RORA: variants seen among roughly 807,000 people sequenced by gnomAD.
RORA encodes the protein nuclear receptor ROR-alpha.
Under a neutral mutation model 69.5 loss-of-function variants are expected in RORA, and 7 were observed. The ratio of observed to expected loss-of-function variants is 0.10; its 90% CI spans 0.06 to 0.19. The LOEUF is 0.19. Among genes scored for constraint, RORA ranks in the 10% least tolerant of loss-of-function variants. The probability of loss-of-function intolerance (pLI) is 1.00; values close to 1 mark genes in which losing one functional copy is unlikely to be tolerated. For missense variants in RORA, 457 were observed against 663.0 expected (o/e 0.69, Z 3.41); for synonymous variants, 261 against 240.8 (o/e 1.08, Z -0.78).
chr15:60,516,222 TTTATATATATATTTA>T (rs2065945466), intron 3 of RORA, among the ~76,000 whole-genome samples: 2 of 13,906 alleles, frequency 1.4e-4, no homozygotes, highest in African/African-American at 2.5e-4. Flanking sequence ...TATATATATA[TTTATATATATATTTA>T]TATATATATA....
intron 5 of RORA, among the ~76,000 whole-genome samples, chr15:60,510,830 CA>C (rs1026513658): frequency 1.3e-5 from 2 of 149,394 alleles, no homozygotes; most frequent in African/African-American, 4.9e-5. Context: ...CTGCCCTGGG[CA>C]AAAAAATATG....
chr15:60,798,219 C>G (rs909525824), intron 1 of RORA, among the ~76,000 whole-genome samples: 2 of 72,422 alleles, frequency 2.8e-5, no homozygotes, highest in African/African-American at 6.0e-5. Context: ...ATTTCCCCAA[C>G]AGACACACAC....
intron 1 of RORA, among the ~76,000 whole-genome samples, chr15:61,136,010 G>C (rs909790174): frequency 2.0e-5 from 3 of 152,206 alleles, no homozygotes; most frequent in African/African-American, 7.2e-5. Flanking sequence ...AGGTTACCAA[G>C]ATGTCCAGGT....
At chr15:60,934,164 C>A (rs1454852345) in intron 1 of RORA, among the ~76,000 whole-genome samples, 1 of 152,248 alleles carries the variant, frequency 6.6e-6, no homozygotes, top group Non-Finnish European at 1.5e-5. Flanking sequence ...TAACAAGTCT[C>A]CTGCTTCCGT....
chr15:60,529,350 A>G (rs1567063379), intron 3 of RORA: 1 of 150,306 alleles, frequency 6.7e-6, no homozygotes. Context: ...GCAAAAATAG[A>G]AGTCTTTTGA....
intron 1 of RORA, among the ~76,000 whole-genome samples, chr15:60,868,320 T>G (rs1482431795): frequency 6.6e-6 from 1 of 152,224 alleles, no homozygotes; most frequent in Non-Finnish European, 1.5e-5. Flanking sequence ...AACTGGAAAA[T>G]GGCAGTAATA....
At chr15:60,908,308 T>C (rs990884878) in intron 1 of RORA, among the ~76,000 whole-genome samples, 1 of 152,180 alleles carries the variant, frequency 6.6e-6, no homozygotes, top group African/African-American at 2.4e-5. Context: ...TTAAATATGT[T>C]TTCCCTTGAT....
chr15:60,788,345 C>G (rs1033750895), intron 1 of RORA, among the ~76,000 whole-genome samples: 16 of 152,108 alleles, frequency 1.1e-4, no homozygotes, highest in African/African-American at 3.9e-4. Context: ...AAGTTCATGG[C>G]TGGTGGGGTG....
At chr15:60,599,580 T>C (rs1439091247) in intron 2 of RORA, among the ~76,000 whole-genome samples, 1 of 42,928 alleles carries the variant, frequency 2.3e-5, no homozygotes, top group African/African-American at 1.3e-4. Context: ...AAGAACACAG[T>C]TGTAAAAGTA....
At chr15:61,212,685 C>A (rs1596076229) in intron 1 of RORA, among the ~76,000 whole-genome samples, 1 of 152,334 alleles carries the variant, frequency 6.6e-6, no homozygotes, top group African/African-American at 2.4e-5. Flanking sequence ...AGCCACCATG[C>A]CAGGCCCATT....
chr15:61,005,420 C>T (rs1014261096), intron 1 of RORA, among the ~76,000 whole-genome samples: 7 of 152,094 alleles, frequency 4.6e-5, no homozygotes, highest in African/African-American at 1.4e-4. Context: ...GTGGAGGCTG[C>T]GGTGAGCTGA....
chr15:60,500,902 A>G (rs996771715), intron 9 of RORA, 57 bp downstream of exon 9: 37 of 1,008,410 alleles, frequency 3.7e-5, no homozygotes, highest in Non-Finnish European at 4.9e-5. Context: ...GGCCTTGTAA[A>G]AATTCTTTAT....
At chr15:60,500,911 A>T (rs1221230163) in intron 9 of RORA, 48 bp downstream of exon 9, 1 of 1,098,224 alleles carries the variant, frequency 9.1e-7, no homozygotes, top group Non-Finnish European at 1.4e-6. Flanking sequence ...AAAATTCTTT[A>T]TCTTAGACAA....
At chr15:61,019,193 G>A (rs141354737) in intron 1 of RORA, among the ~76,000 whole-genome samples, 5 of 152,282 alleles carry the variant, frequency 3.3e-5, no homozygotes, top group African/African-American at 4.8e-5. Flanking sequence ...ATTACACAGC[G>A]CTCCACGCAG....
intron 1 of RORA, among the ~76,000 whole-genome samples, chr15:61,088,907 A>T (rs1035069994): frequency 2.0e-5 from 3 of 152,208 alleles, no homozygotes; most frequent in Non-Finnish European, 2.9e-5. Flanking sequence ...TGTCATCACC[A>T]TGCAGGTGAG....
chr15:60,497,221 GA>G lies in RORA; in HGVS notation c.*233del, dbSNP rs902882552. The stretch of plus-strand genomic sequence containing the variant: ...GGTCAATGATCAAGAAGTCAAGACA[GA>G]AAAAGGGTCCATATCTGTAGGCATA... On this transcript the variant is annotated 3_prime_UTR_variant, in exon 11 of 11. Coordinates refer to ENST00000335670, the MANE Select transcript of RORA (RefSeq NM_134261.3). The G allele has an allele frequency of 5.2e-5, 22 of 419,838 alleles. No individual in the cohort carries two copies. Among genetic ancestry groups the G allele is most frequent in the African/African-American group, 4.2e-4 (21 of 49,716 alleles). 26.0% of individuals were successfully genotyped at this position (419,838 alleles called of 1,614,324 possible). A position where few individuals can be genotyped will look rare whatever the true frequency, so the allele number is the denominator to read the frequency against.
At chr15:60,868,843 G>T (rs2073520547) in intron 1 of RORA, among the ~76,000 whole-genome samples, 1 of 152,168 alleles carries the variant, frequency 6.6e-6, no homozygotes, top group Admixed American at 6.6e-5. Context: ...TTGAGAAAAT[G>T]TCTGAGAGCA....
rs143547860 is a variant in RORA at position 60,769,516 on chromosome 15, G to T, written c.167-90830C>A. On this transcript the variant is annotated intron_variant, in intron 1 of 10. Transcript: ENST00000335670. ...CTGCAAATTTGGTTAGGGTTTAGGG[G>T]ATAATCTTAGACTAATAAAATAAAC... Among the ~76,000 whole-genome samples, 515 of 152,228 alleles carry T rather than the reference G, an allele frequency of 3.4e-3. 2 individuals carry two copies. Among genetic ancestry groups the T allele is most frequent in the African/African-American group, 0.012 (490 of 41,538 alleles).
intron 1 of RORA, among the ~76,000 whole-genome samples, chr15:61,034,889 G>A (rs1364292989): frequency 1.3e-5 from 2 of 150,732 alleles, no homozygotes; most frequent in Non-Finnish European, 2.9e-5. Flanking sequence ...GATCAAGGAG[G>A]AAAAGCTGGA....
Sources: allele counts gnomAD v4.1 joint callset (sites outside exome capture counted in the v4.1 genomes callset), GRCh38; gene constraint gnomAD v4.1.1; transcripts MANE v1.5; gene names NCBI Gene and HGNC (gene_info 2026-07-23, HGNC 2026-07-21).